KHDRBS2: variants seen among roughly 807,000 people sequenced by gnomAD.
KHDRBS2 encodes the protein KH domain-containing, RNA-binding, signal transduction-associated protein 2.
A neutral mutation model predicts 44.3 loss-of-function variants in KHDRBS2; 26 were observed. The observed-to-expected ratio is 0.59, with a 90% confidence interval of 0.43 to 0.81. KHDRBS2 has a LOEUF of 0.81. Ranked by LOEUF, KHDRBS2 falls within the 40% of genes least tolerant of loss-of-function variation. KHDRBS2 has a pLI of 0.00. For synonymous variants in KHDRBS2, 194 were observed against 151.1 expected (o/e 1.28, Z -2.08); for missense variants, 476 against 433.1 (o/e 1.10, Z -0.88).
chr6:62,282,596 AT>A (rs1841951056), intron 1 of KHDRBS2, among the ~76,000 whole-genome samples: 1 of 152,142 alleles, frequency 6.6e-6, no homozygotes, highest in Admixed American at 6.5e-5. Flanking sequence ...ATGTATATAC[AT>A]TTTTGGCCTC....
intron 3 of KHDRBS2, among the ~76,000 whole-genome samples, chr6:61,996,788 C>T (rs1237154305): frequency 2.0e-5 from 3 of 148,920 alleles, no homozygotes; most frequent in African/African-American, 7.5e-5. Flanking sequence ...CCCTCCTCCC[C>T]CCCTCACCCC....
At chr6:62,240,716 AT>A (rs1484033021) in intron 1 of KHDRBS2, among the ~76,000 whole-genome samples, 33 of 137,200 alleles carry the variant, frequency 2.4e-4, no homozygotes, top group Non-Finnish European at 4.4e-4. Flanking sequence ...ATATATATAT[AT>A]AAACATGAGT....
chr6:62,215,426 C>T (rs1014803285), intron 1 of KHDRBS2, among the ~76,000 whole-genome samples: 9 of 151,640 alleles, frequency 5.9e-5, no homozygotes, highest in African/African-American at 1.9e-4. Context: ...CCAACTCAAC[C>T]ATATAAGCCA....
At chr6:62,103,043 A>G (rs1430607503) in intron 2 of KHDRBS2, among the ~76,000 whole-genome samples, 3 of 152,134 alleles carry the variant, frequency 2.0e-5, no homozygotes, top group East Asian at 3.9e-4. Flanking sequence ...TTATGAGCTC[A>G]AAATGGAGAA....
At chr6:61,915,746 A>C (rs1649571165) in intron 4 of KHDRBS2, among the ~76,000 whole-genome samples, 1 of 152,094 alleles carries the variant, frequency 6.6e-6, no homozygotes, top group Admixed American at 6.6e-5. Context: ...TGTTACAAAA[A>C]GAGTTTTATG....
intron 4 of KHDRBS2, among the ~76,000 whole-genome samples, chr6:61,964,701 T>C (rs1769515140): frequency 6.6e-6 from 1 of 152,202 alleles, no homozygotes; most frequent in African/African-American, 2.4e-5. Context: ...AAAAATAAAT[T>C]GAGGAATCAT....
intron 4 of KHDRBS2, among the ~76,000 whole-genome samples, chr6:61,918,006 T>G (rs1807338040): frequency 6.6e-6 from 1 of 151,912 alleles, no homozygotes; most frequent in African/African-American, 2.4e-5. Flanking sequence ...CAAAGAGCCC[T>G]AAGTGCATCT....
chr6:62,156,765 G>A (rs548547144), intron 2 of KHDRBS2, among the ~76,000 whole-genome samples: 2 of 151,732 alleles, frequency 1.3e-5, no homozygotes, highest in African/African-American at 4.8e-5. Context: ...TCCGCCTCCC[G>A]GGTTCACACC....
chr6:62,072,490 CT>C (rs1157882145), intron 2 of KHDRBS2, among the ~76,000 whole-genome samples: 1 of 152,072 alleles, frequency 6.6e-6, no homozygotes, highest in Non-Finnish European at 1.5e-5. Flanking sequence ...TAATAGATAG[CT>C]CTTATTATTT....
chr6:61,632,137 G>A, the KHDRBS2 span, among the ~76,000 whole-genome samples: 2 of 152,070 alleles, frequency 1.3e-5, no homozygotes, highest in East Asian at 3.9e-4. Flanking sequence ...AAAGAAGATA[G>A]GACTATGTGA....
At chr6:61,608,762 A>G in the KHDRBS2 span, among the ~76,000 whole-genome samples, 10 of 152,196 alleles carry the variant, frequency 6.6e-5, no homozygotes, top group Admixed American at 5.9e-4. Flanking sequence ...TGAAAAGGAC[A>G]TGAACTCATC....
chr6:61,949,990 G>A (rs1318787716), intron 4 of KHDRBS2, among the ~76,000 whole-genome samples: 1 of 152,130 alleles, frequency 6.6e-6, no homozygotes, highest in African/African-American at 2.4e-5. Flanking sequence ...AAATCAAAAT[G>A]TGGTGTTTCA....
At chr6:61,866,308 G>A (rs1475160852) in intron 6 of KHDRBS2, among the ~76,000 whole-genome samples, 3 of 152,220 alleles carry the variant, frequency 2.0e-5, no homozygotes, top group Non-Finnish European at 4.4e-5. Context: ...ATGTGCACCA[G>A]CAGTCTCAAC....
At position 61,784,447 on chromosome 6, in the gene KHDRBS2, C is replaced by T. The variant is rs1783479413; in HGVS notation, c.811-51683G>A. On this transcript the variant is annotated intron_variant, in intron 6 of 8. Transcript: ENST00000281156. ...TACAAATGTAATATGAGAAATAACT[C>T]ACAACATGAGTAAGAGTGCTTTATT... is the stretch of plus-strand genomic sequence containing the variant. Among the ~76,000 whole-genome samples, 5 of 151,754 alleles carry T rather than the reference C, an allele frequency of 3.3e-5. No individual in the cohort carries two copies. The South Asian group carries it at 1.0e-3, about 32-fold the overall frequency.
At chr6:61,842,252 T>C (rs1686571124) in intron 6 of KHDRBS2, among the ~76,000 whole-genome samples, 1 of 152,140 alleles carries the variant, frequency 6.6e-6, no homozygotes, top group Non-Finnish European at 1.5e-5. Flanking sequence ...AGCTATTACT[T>C]ATGCAGTATT....
At chr6:61,553,368 T>G in the KHDRBS2 span, among the ~76,000 whole-genome samples, 4 of 152,276 alleles carry the variant, frequency 2.6e-5, no homozygotes, top group East Asian at 7.7e-4. Context: ...CATTTCTGAT[T>G]GACTTTATTC....
chr6:61,733,392 A>C (rs570024881), intron 6 of KHDRBS2, among the ~76,000 whole-genome samples: 24 of 152,214 alleles, frequency 1.6e-4, no homozygotes, highest in Admixed American at 1.2e-3. Context: ...GGAGTTCGAG[A>C]CCAGCCTGGC....
At chr6:61,947,943 T>C (rs1290727956) in intron 4 of KHDRBS2, among the ~76,000 whole-genome samples, 2 of 112,096 alleles carry the variant, frequency 1.8e-5, no homozygotes, top group Non-Finnish European at 4.0e-5. Flanking sequence ...ATAATAATAA[T>C]AATAATAATA....
chr6:61,734,647 A>G (rs1775040086), intron 6 of KHDRBS2, among the ~76,000 whole-genome samples: 2 of 152,138 alleles, frequency 1.3e-5, no homozygotes, highest in Non-Finnish European at 2.9e-5. Context: ...ACATAATTGT[A>G]TCCTCTTATG....
Sources: gnomAD v4.1 joint callset for allele counts (sites outside exome capture counted in the v4.1 genomes callset) on GRCh38, gnomAD v4.1.1 for gene constraint, MANE v1.5 for transcripts, NCBI Gene and HGNC (gene_info 2026-07-23, HGNC 2026-07-21) for gene names.